SNTG1: variants seen among roughly 807,000 people sequenced by gnomAD.
The protein encoded by SNTG1 is gamma-1-syntrophin.
A neutral mutation model predicts 74.7 loss-of-function variants in SNTG1; 39 were observed. The observed-to-expected ratio is 0.52, with a 90% confidence interval of 0.40 to 0.68. The LOEUF (loss-of-function observed/expected upper bound fraction) is 0.68, where lower values mean the gene tolerates loss of function less well. Among genes scored for constraint, SNTG1 ranks in the 30% least tolerant of loss-of-function variants. SNTG1 has a pLI of 0.00. For missense variants in SNTG1, 685 were observed against 609.5 expected (o/e 1.12, Z -1.30); for synonymous variants, 254 against 217.1 (o/e 1.17, Z -1.49).
chr8:50,303,629 ACAAT>A (rs1440007646), intron 2 of SNTG1, among the ~76,000 whole-genome samples: 3 of 152,054 alleles, frequency 2.0e-5, no homozygotes, highest in Non-Finnish European at 4.4e-5. Context: ...AGGTGAATTT[ACAAT>A]GCATATGCTT....
At chr8:49,950,762 G>C (rs1187020547) in intron 1 of SNTG1, among the ~76,000 whole-genome samples, 2 of 152,060 alleles carry the variant, frequency 1.3e-5, no homozygotes, top group African/African-American at 4.8e-5. Context: ...GCTTTGATTT[G>C]GCATGCAAAA....
chr8:50,708,112 C>T, intron 16 of SNTG1: 2 of 209,414 alleles, frequency 9.6e-6, no homozygotes. Context: ...GAGGGAAGAG[C>T]ATTTATTGAA....
At position 50,410,525 on chromosome 8, in the gene SNTG1, TGATA is replaced by T. The variant is rs567469499; in HGVS notation, c.162+8186_162+8189del. ...ATTCAAGGTGTATAATATGATGACT[TGATA>T]GATATATATACATACACATTGTGTA... On this transcript the variant is annotated intron_variant, in intron 4 of 18. Coordinates refer to ENST00000642720, the MANE Select transcript of SNTG1 (RefSeq NM_018967.5). Among the ~76,000 whole-genome samples the T allele has an allele frequency of 5.3e-4, 80 of 152,352 alleles. 1 individual carries two copies. The South Asian group carries it at 0.016, about 31-fold the overall frequency.
At chr8:50,142,490 T>C (rs1490083807) in intron 1 of SNTG1, among the ~76,000 whole-genome samples, 2 of 151,252 alleles carry the variant, frequency 1.3e-5, no homozygotes, top group South Asian at 2.1e-4. Flanking sequence ...TATATATATA[T>C]ATATATTTGG....
chr8:50,049,101 A>C (rs938266146), intron 1 of SNTG1, among the ~76,000 whole-genome samples: 1 of 152,082 alleles, frequency 6.6e-6, no homozygotes, highest in African/African-American at 2.4e-5. Flanking sequence ...AAAACAAAAA[A>C]AAAGAAAAAT....
intron 3 of SNTG1, among the ~76,000 whole-genome samples, chr8:50,396,488 A>T (rs561583912): frequency 1.3e-5 from 2 of 152,344 alleles, no homozygotes; most frequent in South Asian, 4.1e-4. Flanking sequence ...AACGTAAATG[A>T]TAAGATGCAG....
chr8:50,362,401 TAA>T (rs1470729910), intron 2 of SNTG1, among the ~76,000 whole-genome samples: 9 of 152,238 alleles, frequency 5.9e-5, no homozygotes, highest in African/African-American at 1.9e-4. Flanking sequence ...TTTTGAGGAG[TAA>T]GTCTTCTAAT....
chr8:50,611,239 A>C (rs2094847773), intron 13 of SNTG1, among the ~76,000 whole-genome samples: 1 of 152,144 alleles, frequency 6.6e-6, no homozygotes, highest in Admixed American at 6.5e-5. Context: ...GAGTTAGAAA[A>C]TATACAGCAT....
chr8:50,733,221 T>C (rs911350285), intron 17 of SNTG1, among the ~76,000 whole-genome samples: 1 of 152,110 alleles, frequency 6.6e-6, no homozygotes, highest in Admixed American at 6.6e-5. Flanking sequence ...CTTAGGATTA[T>C]GGCCTCCATC....
chr8:50,556,244 G>A (rs1447207510), intron 12 of SNTG1, among the ~76,000 whole-genome samples: 3 of 152,080 alleles, frequency 2.0e-5, no homozygotes, highest in African/African-American at 7.2e-5. Flanking sequence ...CTTGTCTTAA[G>A]CTGTATTGGC....
intron 1 of SNTG1, among the ~76,000 whole-genome samples, chr8:49,986,430 A>C (rs915766711): frequency 2.0e-5 from 3 of 152,196 alleles, no homozygotes; most frequent in African/African-American, 7.2e-5. Context: ...GAGGTATCAC[A>C]CCAGGCAAAT....
chr8:50,350,278 C>T (rs1258714728), intron 2 of SNTG1, among the ~76,000 whole-genome samples: 2 of 152,138 alleles, frequency 1.3e-5, no homozygotes, highest in South Asian at 2.1e-4. Context: ...CCAGTCCCAC[C>T]GACCACCCAA....
intron 13 of SNTG1, among the ~76,000 whole-genome samples, chr8:50,647,242 CTA>C (rs1367268306): frequency 6.6e-6 from 1 of 151,988 alleles, no homozygotes; most frequent in African/African-American, 2.4e-5. Context: ...ATCATCTGCT[CTA>C]TGAATAATAG....
intron 2 of SNTG1, among the ~76,000 whole-genome samples, chr8:50,216,228 C>G (rs887358751): frequency 6.6e-6 from 1 of 152,112 alleles, no homozygotes; most frequent in East Asian, 1.9e-4. Flanking sequence ...TGTAAATGAC[C>G]TTTTTACATA....
At chr8:50,681,348 T>C (rs1054909804) in intron 15 of SNTG1, among the ~76,000 whole-genome samples, 1 of 152,120 alleles carries the variant, frequency 6.6e-6, no homozygotes, top group Non-Finnish European at 1.5e-5. Flanking sequence ...AGGGATGTGT[T>C]TTATTACATA....
chr8:50,546,129 A>G (rs2094386019), intron 11 of SNTG1, among the ~76,000 whole-genome samples: 1 of 152,176 alleles, frequency 6.6e-6, no homozygotes, highest in South Asian at 2.1e-4. Flanking sequence ...AAGGAGAAGA[A>G]AGAGTAGATT....
chr8:50,483,293 T>C (rs2093756125), intron 8 of SNTG1, among the ~76,000 whole-genome samples: 1 of 152,228 alleles, frequency 6.6e-6, no homozygotes, highest in Non-Finnish European at 1.5e-5. Context: ...TATGAAGTGA[T>C]AGAATGGATC....
At position 50,605,023 on chromosome 8, in the gene SNTG1, G is replaced by A. The variant is rs76665379; in HGVS notation, c.849+14106G>A. On this transcript the variant is annotated intron_variant, in intron 13 of 18. Transcript: ENST00000642720. ...AGTGGGTTTCCTTCTGGCCCAAGGT[G>A]TATCTAGAAATGTCTAGGAGCTAGA... Among the ~76,000 whole-genome samples, 265 of 152,300 alleles carry A rather than the reference G, an allele frequency of 1.7e-3. 2 individuals are homozygous for A. The East Asian group carries it at 0.046, about 26-fold the overall frequency.
intron 10 of SNTG1, among the ~76,000 whole-genome samples, chr8:50,532,717 G>A (rs2094278851): frequency 6.6e-6 from 1 of 152,180 alleles, no homozygotes; most frequent in Non-Finnish European, 1.5e-5. Flanking sequence ...AAAATTAGGA[G>A]AGGTCAAAGA....
Sources: allele counts gnomAD v4.1 joint callset (sites outside exome capture counted in the v4.1 genomes callset), GRCh38; gene constraint gnomAD v4.1.1; transcripts MANE v1.5; gene names NCBI Gene and HGNC (gene_info 2026-07-23, HGNC 2026-07-21).